TICAM2: variants seen among roughly 807,000 people sequenced by gnomAD.
The protein encoded by TICAM2 is TIR domain-containing adapter molecule 2.
A neutral mutation model predicts 7.3 loss-of-function variants in TICAM2; 8 were observed. That is an observed-to-expected ratio of 1.10 (90% CI 0.65 to 1.99). TICAM2 has a LOEUF of 1.99. Among genes scored for constraint, TICAM2 ranks in the 30% most tolerant of loss-of-function variants. The pLI is 0.00. For missense variants in TICAM2, 304 were observed against 278.8 expected, an observed-to-expected ratio of 1.09 and a Z score of -0.65; for synonymous variants, 113 against 99.6, an observed-to-expected ratio of 1.13 and a Z score of -0.80.
intron 1 of TICAM2, among the ~76,000 whole-genome samples, chr5:115,586,295 T>C (rs1285327117): frequency 6.6e-6 from 1 of 152,158 alleles, no homozygotes; most frequent in Non-Finnish European, 1.5e-5. Context: ...GATTTTTGGA[T>C]AGTTGATGAT....
intron 1 of TICAM2, among the ~76,000 whole-genome samples, chr5:115,584,893 T>C (rs907254739): frequency 2.6e-5 from 4 of 152,150 alleles, no homozygotes; most frequent in South Asian, 4.1e-4. Flanking sequence ...ATTCTCTATA[T>C]TAAACAGAAG....
rs1411069720 is a variant in TICAM2 at position 115,580,091 on chromosome 5, G to T, written c.*458C>A. 6.5e-6 allele frequency: 1 copy of T among 153,606 alleles called. No individual in the cohort carries two copies. The highest frequency in any genetic ancestry group is 1.4e-5 in the Non-Finnish European group (1 of 69,152). 9.5% of individuals were successfully genotyped at this position (153,606 alleles called of 1,614,324 possible). ...CTATTCTGGCAATTCATATTTCTGG[G>T]TGATAGTACCCGAATGCTTATTGCA... On this transcript the variant is annotated 3_prime_UTR_variant, in exon 2 of 2. Transcript: ENST00000427199.
Position 115,580,945 on chromosome 5 carries a change from A to G in TICAM2, c.312T>C (p.Phe104=). ...CAAAGATTATTCCGGGTTTGATACCAAAGTCATCTTGTAGCAGATTCTGGA... is the reference window on the plus strand; with the variant it reads ...CAAAGATTATTCCGGGTTTGATACCGAAGTCATCTTGTAGCAGATTCTGGA... ...LRVQNLLQDD[F]GIKPGIIFAE... The change falls in exon 2 of 2, where the codon TTT becomes TTC. Residue 104 remains phenylalanine, a synonymous_variant. Coordinates refer to ENST00000427199, the MANE Select transcript of TICAM2 (RefSeq NM_021649.7). 1.2e-6 allele frequency: 2 copies of G among 1,613,628 alleles called. No homozygotes were observed. The highest frequency in any genetic ancestry group is 8.5e-7 in the Non-Finnish European group (1 of 1,179,666).
intron 1 of TICAM2, among the ~76,000 whole-genome samples, chr5:115,595,944 T>C (rs1480655255): frequency 1.3e-5 from 2 of 152,232 alleles, no homozygotes; most frequent in Non-Finnish European, 2.9e-5. Context: ...ACATCTCTTA[T>C]AATATGTATT....
At chr5:115,597,779 C>T (rs544380461) in intron 1 of TICAM2, among the ~76,000 whole-genome samples, 2 of 152,138 alleles carry the variant, frequency 1.3e-5, no homozygotes, top group Non-Finnish European at 2.9e-5. Context: ...GCAGAGCCTG[C>T]GTATACAAAA....
chr5:115,581,382 A>G, intron 1 of TICAM2, 67 bp from the exon 2 acceptor site: 1 of 1,479,440 alleles, frequency 6.8e-7, no homozygotes, highest in Non-Finnish European at 9.0e-7. Flanking sequence ...GGAAACTTTC[A>G]TTCAAACTGA....
chr5:115,586,408 T>A (rs1580408717), intron 1 of TICAM2, among the ~76,000 whole-genome samples: 1 of 119,696 alleles, frequency 8.4e-6, no homozygotes, highest in African/African-American at 3.5e-5. Context: ...TTAATTAAGG[T>A]AGAGTGTTGG....
chr5:115,582,880 A>G (rs1383348118), intron 1 of TICAM2, among the ~76,000 whole-genome samples: 1 of 72,878 alleles, frequency 1.4e-5, no homozygotes, highest in African/African-American at 1.3e-4. Flanking sequence ...AAAACCAAGG[A>G]AAAAAACAGA....
chr5:115,597,514 A>G (rs1239063077), intron 1 of TICAM2, among the ~76,000 whole-genome samples: 2 of 152,250 alleles, frequency 1.3e-5, no homozygotes, highest in Non-Finnish European at 2.9e-5. Flanking sequence ...TATGAATGTT[A>G]TGAACAATTT....
chr5:115,582,214 T>G (rs1178743703), intron 1 of TICAM2, among the ~76,000 whole-genome samples: 1 of 152,030 alleles, frequency 6.6e-6, no homozygotes, highest in Non-Finnish European at 1.5e-5. Context: ...TGGAGTGCAG[T>G]GGTGTGATCT....
At chr5:115,581,465 C>G in intron 1 of TICAM2, 150 bp from the exon 2 acceptor site, 2 of 1,004,706 alleles carry the variant, frequency 2.0e-6, no homozygotes, top group East Asian at 5.2e-5. Flanking sequence ...AGCTAAACTA[C>G]TAATCTTTTG....
intron 1 of TICAM2, among the ~76,000 whole-genome samples, chr5:115,594,626 AC>A (rs1368490483): frequency 6.6e-6 from 1 of 152,206 alleles, no homozygotes; most frequent in Non-Finnish European, 1.5e-5. Context: ...TTTCTAGCAA[AC>A]AGTTTTCATG....
chr5:115,600,936 T>C (rs1046516694), intron 1 of TICAM2, among the ~76,000 whole-genome samples: 8 of 152,192 alleles, frequency 5.3e-5, no homozygotes, highest in Non-Finnish European at 1.0e-4. Context: ...ATTTTAAGAA[T>C]AGCATAAGGA....
intron 1 of TICAM2, among the ~76,000 whole-genome samples, chr5:115,596,696 G>A (rs1755524199): frequency 6.6e-6 from 1 of 152,298 alleles, no homozygotes; most frequent in South Asian, 2.1e-4. Flanking sequence ...AAGGTGGGTG[G>A]ATCATGAGGT....
At chr5:115,592,335 C>A (rs916916978) in intron 1 of TICAM2, among the ~76,000 whole-genome samples, 2 of 152,106 alleles carry the variant, frequency 1.3e-5, no homozygotes, top group African/African-American at 4.8e-5. Context: ...AAGAAATAAC[C>A]TGAATTCAAT....
intron 1 of TICAM2, among the ~76,000 whole-genome samples, chr5:115,587,689 G>A (rs558738888): frequency 1.3e-5 from 2 of 152,320 alleles, no homozygotes; most frequent in East Asian, 1.9e-4. Flanking sequence ...TCAGGATGGA[G>A]TGGGTTGGGG....
chr5:115,597,970 T>C (rs1755576760), intron 1 of TICAM2, among the ~76,000 whole-genome samples: 1 of 152,174 alleles, frequency 6.6e-6, no homozygotes, highest in Non-Finnish European at 1.5e-5. Context: ...CATAAGAATA[T>C]ATAAATGTGT....
chr5:115,581,076 C>T lies in TICAM2; in HGVS notation c.181G>A (p.Gly61Arg), dbSNP rs1207085815. 4 of 1,614,158 alleles carry T rather than the reference C, an allele frequency of 2.5e-6. No individual in the cohort carries two copies. The South Asian group carries it at 3.3e-5, about 13-fold the overall frequency. Residue 61 changes from glycine (G) to arginine (R), a missense_variant, in exon 2 of 2, where the codon GGA (glycine) becomes AGA (arginine). Physicochemically the swap from Gly to Arg is moderately radical, Grantham distance 125 (BLOSUM62 -2). Transcript: ENST00000427199. ...TTEGPTGKQE[G>R]AQSVEEMFEE... ...AACATCTCTTCCACGCTCTGAGCTC[C>T]CTCCTGCTTTCCTGTTGGCCCCTCT...
At chr5:115,585,661 A>G (rs370804208) in intron 1 of TICAM2, among the ~76,000 whole-genome samples, 21 of 152,360 alleles carry the variant, frequency 1.4e-4, no homozygotes, top group East Asian at 5.8e-4. Flanking sequence ...TCCAAACACT[A>G]TAAGGAAAAT....
Sources: gnomAD v4.1 joint callset for allele counts (sites outside exome capture counted in the v4.1 genomes callset) on GRCh38, gnomAD v4.1.1 for gene constraint, MANE v1.5 for transcripts, NCBI Gene and HGNC (gene_info 2026-07-23, HGNC 2026-07-21) for gene names.